TET1: variants seen among roughly 807,000 people sequenced by gnomAD.
TET1 encodes tet methylcytosine dioxygenase 1.
In TET1, 13 loss-of-function variants were observed where a neutral mutation model predicts 148.7. The ratio of observed to expected loss-of-function variants is 0.09; its 90% CI spans 0.06 to 0.14. The LOEUF (loss-of-function observed/expected upper bound fraction) is 0.14, where lower values mean the gene tolerates loss of function less well. Among genes scored for constraint, TET1 ranks in the 10% least tolerant of loss-of-function variants. TET1 has a pLI of 1.00. For missense variants in TET1, 2,182 were observed against 2,553.8 expected (o/e 0.85, Z 3.14); for synonymous variants, 907 against 937.2 (o/e 0.97, Z 0.59).
intron 3 of TET1, among the ~76,000 whole-genome samples, chr10:68,610,594 G>A (rs900308512): frequency 7.2e-5 from 11 of 151,964 alleles, no homozygotes; most frequent in Non-Finnish European, 1.2e-4. Flanking sequence ...CTTCTCAAAA[G>A]ATAAAAAAAC....
intron 3 of TET1, among the ~76,000 whole-genome samples, chr10:68,626,420 C>T (rs1222686694): frequency 6.6e-6 from 1 of 152,020 alleles, no homozygotes; most frequent in Non-Finnish European, 1.5e-5. Context: ...AGGCTGGTCT[C>T]GAACTCCTGG....
intron 1 of TET1, among the ~76,000 whole-genome samples, chr10:68,569,164 T>C (rs2053638562): frequency 6.8e-6 from 1 of 146,308 alleles, no homozygotes; most frequent in African/African-American, 2.6e-5. Flanking sequence ...GCAGGAGAGT[T>C]TCTTTTTTTT....
chr10:68,596,029 T>C (rs201691755), intron 2 of TET1, among the ~76,000 whole-genome samples: 3,228 of 82,458 alleles, frequency 0.039, 65 homozygotes, highest in African/African-American at 0.069. Context: ...CACACACACA[T>C]ATATATATAT....
At chr10:68,612,635 A>G (rs1453923135) in intron 3 of TET1, among the ~76,000 whole-genome samples, 2 of 151,994 alleles carry the variant, frequency 1.3e-5, no homozygotes, top group Non-Finnish European at 2.9e-5. Context: ...TGTTTTGTTT[A>G]GGAGATAGAG....
chr10:68,622,272 C>A (rs1475816570), intron 3 of TET1, among the ~76,000 whole-genome samples: 1 of 139,278 alleles, frequency 7.2e-6, no homozygotes, highest in Non-Finnish European at 1.6e-5. Flanking sequence ...TCTCCCTCTT[C>A]CCTCTTTGGA....
rs1352522702 is a variant in TET1 at position 68,582,096 on chromosome 10, CTATTTT to C, written c.1914+7846_1914+7851del. Among the ~76,000 whole-genome samples, 98 of 148,618 alleles carry C rather than the reference CTATTTT, an allele frequency of 6.6e-4. No homozygotes were observed. The South Asian group carries it at 7.5e-3, about 11-fold the overall frequency. On this transcript the variant is annotated intron_variant, in intron 2 of 11. Transcript: ENST00000373644. ...TTAAATAGAAGCATATTAGATGACA[CTATTTT>C]TTTTTTTTTTTTATGGAAATGGAGT... is the stretch of plus-strand genomic sequence containing the variant.
chr10:68,676,238 A>G (rs10823246), intron 8 of TET1, among the ~76,000 whole-genome samples: 15,668 of 28,308 alleles, frequency 0.55, 2,931 homozygotes, highest in Middle Eastern at 0.7. Context: ...ATGTATGTGT[A>G]TATATATATA....
chr10:68,583,255 T>C (rs1186697733), intron 2 of TET1, among the ~76,000 whole-genome samples: 1 of 152,190 alleles, frequency 6.6e-6, no homozygotes, highest in African/African-American at 2.4e-5. Context: ...ATTGACTATA[T>C]CAAAGCTGCA....
intron 3 of TET1, among the ~76,000 whole-genome samples, chr10:68,601,737 G>A (rs747799910): frequency 2.0e-5 from 3 of 152,172 alleles, no homozygotes; most frequent in African/African-American, 4.8e-5. Context: ...GCTAGCTTTA[G>A]TCTAACGAAT....
At chr10:68,633,013 G>T (rs989877479) in intron 3 of TET1, among the ~76,000 whole-genome samples, 1 of 151,832 alleles carries the variant, frequency 6.6e-6, no homozygotes, top group Non-Finnish European at 1.5e-5. Context: ...GTGAAACCCC[G>T]TCTCTACTAA....
chr10:68,626,076 CG>C (rs1356063947), intron 3 of TET1, among the ~76,000 whole-genome samples: 1 of 114,608 alleles, frequency 8.7e-6, no homozygotes, highest in Admixed American at 1.1e-4. Context: ...AGAGTAAGAA[CG>C]AGACCCTATC....
intron 1 of TET1, among the ~76,000 whole-genome samples, chr10:68,562,845 G>A (rs2053568927): frequency 6.6e-6 from 1 of 151,152 alleles, no homozygotes; most frequent in Admixed American, 6.6e-5. Context: ...CTATCCCCTT[G>A]GTCTTTTAGT....
intron 6 of TET1, among the ~76,000 whole-genome samples, chr10:68,657,553 A>G (rs1015444867): frequency 6.6e-6 from 1 of 152,106 alleles, no homozygotes; most frequent in South Asian, 2.1e-4. Flanking sequence ...CGATTGCTTG[A>G]GCATAGGAAG....
Position 68,627,334 on chromosome 10 carries a change from C to T in TET1, c.1969-17364C>T, listed in dbSNP as rs189925515. ...CTGAGACAGGAGAATCACTTGAATCCGGGAGGCAGAGGTTGCAGTGAGCCA... is the reference window on the plus strand; with the variant it reads ...CTGAGACAGGAGAATCACTTGAATCTGGGAGGCAGAGGTTGCAGTGAGCCA... On this transcript the variant is annotated intron_variant, in intron 3 of 11. Transcript: ENST00000373644. 1.5e-3 allele frequency among the ~76,000 whole-genome samples: 230 copies of T among 151,050 alleles called. 1 individual carries two copies. The highest frequency in any genetic ancestry group is 2.1e-3 in the Non-Finnish European group (144 of 67,396).
intron 4 of TET1, among the ~76,000 whole-genome samples, chr10:68,648,069 A>G (rs1381676632): frequency 1.3e-5 from 2 of 152,224 alleles, no homozygotes; most frequent in Admixed American, 1.3e-4. Flanking sequence ...TCAAAGAATA[A>G]CCAGTGTGCT....
chr10:68,686,474 G>A lies in TET1; in HGVS notation c.5171G>A (p.Gly1724Glu). ...SDTDEFGSKE[G>E]MEAKIKSGAI... ...ACAGATGAGTTTGGCTCCAAGGAAG[G>A]AATGGAAGCCAAGATCAAATCTGGG... The change falls in exon 11 of 12, where the codon GGA (glycine) becomes GAA (glutamate). Residue 1724 changes from glycine to glutamate, a missense_variant. Physicochemically the swap from Gly to Glu is moderately conservative, Grantham distance 98 (BLOSUM62 -2). Coordinates refer to ENST00000373644, the MANE Select transcript of TET1 (RefSeq NM_030625.3). 1.9e-6 allele frequency: 3 copies of A among 1,614,112 alleles called. No homozygotes were observed. The highest frequency in any genetic ancestry group is 2.5e-6 in the Non-Finnish European group (3 of 1,180,034).
At chr10:68,676,266 ATATTTTTTTTTTTTTT>A (rs2055358805) in intron 8 of TET1, among the ~76,000 whole-genome samples, 2 of 16,026 alleles carry the variant, frequency 1.2e-4, no homozygotes, top group Admixed American at 2.6e-3. Context: ...ATATATATAT[ATATTTTTTTTTTTTTT>A]TTTTTTTTTT....
In TET1 at chr10:68,665,658, T is replaced by C. The variant is rs1434927350; in HGVS notation, c.4462-1387T>C. ...TATTAATATAAATTCATTGTTAATT[T>C]TGACAACTTGAATATTAACCAAAAT... is the stretch of plus-strand genomic sequence containing the variant. On this transcript the variant is annotated intron_variant, in intron 6 of 11. Transcript: ENST00000373644. 3.9e-5 allele frequency among the ~76,000 whole-genome samples: 6 copies of C among 152,072 alleles called. No individual in the cohort carries two copies. The East Asian group carries it at 1.2e-3, about 29-fold the overall frequency.
chr10:68,676,185 G>GTGTGTGTGTA (rs1389468377), intron 8 of TET1, among the ~76,000 whole-genome samples: 3 of 138,534 alleles, frequency 2.2e-5, no homozygotes, highest in South Asian at 4.5e-4. Flanking sequence ...GTGTGTGTGT[G>GTGTGTGTGTA]TATACACAAG....
Sources: allele counts gnomAD v4.1 joint callset (sites outside exome capture counted in the v4.1 genomes callset), GRCh38; gene constraint gnomAD v4.1.1; transcripts MANE v1.5; gene names NCBI Gene and HGNC (gene_info 2026-07-23, HGNC 2026-07-21).